The following HTR3C variants were observed in gnomAD, a reference collection of about 807,000 sequenced individuals.
HTR3C encodes the protein 5-hydroxytryptamine receptor 3C.
HTR3C carries 32 observed loss-of-function variants against 40.5 expected under a neutral mutation model. The ratio of observed to expected loss-of-function variants is 0.79; its 90% CI spans 0.60 to 1.06. HTR3C has a LOEUF of 1.06. Ranked by LOEUF, HTR3C falls within the 50% of genes least tolerant of loss-of-function variation. The pLI, the probability that HTR3C is intolerant of heterozygous loss-of-function variation, is 0.00. For missense variants in HTR3C, 523 were observed against 556.8 expected (o/e 0.94, Z 0.61); for synonymous variants, 209 against 217.1 (o/e 0.96, Z 0.33).
chr3:184,053,254 T>C, intron 1 of HTR3C, 107 bp downstream of exon 1: 2 of 792,692 alleles, frequency 2.5e-6, no homozygotes, highest in Admixed American at 2.0e-5. Flanking sequence ...AAATATTTCT[T>C]CCATAATGTC....
At chr3:184,055,387 T>G in intron 3 of HTR3C, 31 bp downstream of exon 3, 2 of 1,511,864 alleles carry the variant, frequency 1.3e-6, no homozygotes, top group Non-Finnish European at 1.8e-6. Context: ...TCCTCCCCAC[T>G]TCATTTATAA....
chr3:184,054,601 T>G, intron 1 of HTR3C, 120 bp from the exon 2 acceptor site: 1 of 820,466 alleles, frequency 1.2e-6, no homozygotes, highest in Non-Finnish European at 1.8e-6. Context: ...TGGGGAGTCT[T>G]GGCATGGGAA....
Position 184,053,047 on chromosome 3 carries a change from TG to T in HTR3C, c.-32del. On this transcript the variant is annotated 5_prime_UTR_variant, in exon 1 of 9. Transcript: ENST00000318351. ...TTAAGCTCCAGGGTTTGGGAGCTCCTGGTGAATCCCCAGAGAAGAGTCCAGA... is the reference window on the plus strand; with the variant it reads ...TTAAGCTCCAGGGTTTGGGAGCTCCTGTGAATCCCCAGAGAAGAGTCCAGA... 2 of 1,574,522 alleles carry T rather than the reference TG, an allele frequency of 1.3e-6. No individual in the cohort carries two copies. The highest frequency in any genetic ancestry group is 1.7e-6 in the Non-Finnish European group (2 of 1,144,144).
At chr3:184,057,112 T>G (rs1354079335) in intron 5 of HTR3C, 68 bp downstream of exon 5, 1 of 1,261,592 alleles carries the variant, frequency 7.9e-7, no homozygotes, top group African/African-American at 1.5e-5. Context: ...TAGGTATCAT[T>G]AGAAAAGGTT....
intron 1 of HTR3C, 69 bp downstream of exon 1, chr3:184,053,216 C>A (rs2108969757): frequency 9.4e-7 from 1 of 1,063,502 alleles, no homozygotes; most frequent in Non-Finnish European, 1.5e-6. Context: ...ACCTCTAGCA[C>A]TTGGAGGGCA....
rs371964471 is a variant in HTR3C at position 184,055,310 on chromosome 3, A to G, written c.235-2A>G. The G allele has an allele frequency of 1.2e-6, 2 of 1,607,522 alleles. No homozygotes were observed. The highest frequency in any genetic ancestry group is 1.7e-6 in the Non-Finnish European group (2 of 1,173,926). Reference sequence around the variant, plus strand: ...AATCCTGAGTGGAAATTTCCTTGTCAGGATGCACAGCTCCAGCTGCTGACA... The same window carrying G: ...AATCCTGAGTGGAAATTTCCTTGTCGGGATGCACAGCTCCAGCTGCTGACA... On this transcript the variant is annotated splice_acceptor_variant, in intron 2 of 8. Transcript: ENST00000318351. LOFTEE classifies it high-confidence loss of function.
chr3:184,056,099 G>A (rs1723318800), intron 3 of HTR3C, 78 bp from the exon 4 acceptor site: 2 of 887,338 alleles, frequency 2.3e-6, no homozygotes, highest in South Asian at 1.4e-5. Context: ...AAGGTTTAAA[G>A]AAGAATGGAA....
chr3:184,060,360 TC>T lies in HTR3C; in HGVS notation c.*14del. ...GTCCTCTGGAACACCTAGGCAGACA[TC>T]CCCCCTCTCTGGCAAACAACAGCTT... On this transcript the variant is annotated 3_prime_UTR_variant, in exon 9 of 9. Coordinates refer to ENST00000318351, the MANE Select transcript of HTR3C (RefSeq NM_130770.3). 1.2e-6 allele frequency: 2 copies of T among 1,613,908 alleles called. No individual in the cohort carries two copies. The highest frequency in any genetic ancestry group is 1.7e-6 in the Non-Finnish European group (2 of 1,179,908).
In HTR3C at chr3:184,054,834, A is replaced by G. The variant is rs1723290093; in HGVS notation, c.181A>G (p.Ser61Gly). The change falls in exon 2 of 9, where the codon AGC (serine) becomes GGC (glycine). Residue 61 changes from serine to glycine, a missense_variant. Coordinates refer to ENST00000318351, the MANE Select transcript of HTR3C (RefSeq NM_130770.3). ...GGCCTTCCGTCCATTCACCAACTAC[A>G]GCATCCCTACCCGTGTCAACATCTC... The part of the protein sequence containing the change: ...RKAFRPFTNY[S>G]IPTRVNISFT... 2 of 1,613,760 alleles carry G rather than the reference A, an allele frequency of 1.2e-6. No individual in the cohort carries two copies. Among genetic ancestry groups the G allele is most frequent in the Admixed American group, 1.7e-5 (1 of 59,962 alleles).
chr3:184,057,605 G>A (rs565690362), intron 5 of HTR3C, among the ~76,000 whole-genome samples: 1 of 151,694 alleles, frequency 6.6e-6, no homozygotes, highest in Non-Finnish European at 1.5e-5. Flanking sequence ...CTGGTGGTGG[G>A]CGCCTGTAGT....
In HTR3C at chr3:184,054,745, A is replaced by G. The variant is rs373746183; in HGVS notation, c.92A>G (p.Asn31Ser). 1 of 1,603,674 alleles carries G rather than the reference A, an allele frequency of 6.2e-7. No homozygotes were observed. The highest frequency in any genetic ancestry group is 1.3e-5 in the African/African-American group (1 of 74,318). ...GGAAGAGGCGACGCTTTTACCATCA[A>G]TTGCTCAGGCTTTGACCAGCATGGG... ...LQGRGDAFTI[N>S]CSGFDQHGVD... The change falls in exon 2 of 9, where the codon AAT (asparagine) becomes AGT (serine). Residue 31 changes from asparagine (N) to serine (S), a missense_variant. Coordinates refer to ENST00000318351, the MANE Select transcript of HTR3C (RefSeq NM_130770.3).
intron 3 of HTR3C, 74 bp downstream of exon 3, chr3:184,055,430 G>C: frequency 8.8e-7 from 1 of 1,134,938 alleles, no homozygotes; most frequent in Non-Finnish European, 1.3e-6. Context: ...GTGACTTAAA[G>C]GGGCCAGAAG....
intron 5 of HTR3C, among the ~76,000 whole-genome samples, chr3:184,057,288 A>AC: frequency 6.6e-6 from 1 of 152,080 alleles, no homozygotes; most frequent in South Asian, 2.1e-4. Flanking sequence ...ACATAGTGAG[A>AC]CCCCCATCTC....
intron 4 of HTR3C, among the ~76,000 whole-genome samples, 189 bp downstream of exon 4, chr3:184,056,475 G>T (rs1183218300): frequency 1.3e-5 from 2 of 152,188 alleles, no homozygotes; most frequent in African/African-American, 4.8e-5. Flanking sequence ...GGCCAGGCGC[G>T]GTGGCTCACG....
Position 184,059,862 on chromosome 3 carries a change from G to A in HTR3C, c.960G>A (p.Val320=), listed in dbSNP as rs148492552. 6.7e-5 allele frequency: 108 copies of A among 1,613,908 alleles called. No homozygotes were observed. The highest frequency in any genetic ancestry group is 1.7e-4 in the Middle Eastern group (1 of 6,014). ...TCGCCCTGTGCCTGTCCCTGATGGT[G>A]GTCAGCCTGCTGGAGACCGTCTTCA... ...VYFALCLSLM[V]VSLLETVFIT... Residue 320 remains valine (V), a synonymous_variant, in exon 8 of 9, where the codon GTG becomes GTA. Coordinates refer to ENST00000318351, the MANE Select transcript of HTR3C (RefSeq NM_130770.3).
rs764871394 is a variant in HTR3C at position 184,059,491 on chromosome 3, G to A, written c.776G>A (p.Ser259Asn). ...LYIINLLVPS[S>N]FLVAIDALSF... ...ATCATAAACCTGCTGGTGCCCAGTA[G>A]CTTTCTGGTTGCCATTGATGCCCTC... The change falls in exon 7 of 9, where the codon AGC becomes AAC. Residue 259 changes from serine (S) to asparagine (N), a missense_variant. Physicochemically the swap from Ser to Asn is conservative, Grantham distance 46 (BLOSUM62 1). Transcript: ENST00000318351. The A allele has an allele frequency of 6.8e-6, 11 of 1,614,210 alleles. No homozygotes were observed. Among genetic ancestry groups the A allele is most frequent in the East Asian group, 6.7e-5 (3 of 44,884 alleles).
chr3:184,059,991 T>C lies in HTR3C; in HGVS notation c.1089T>C (p.Thr363=). The part of the protein sequence containing the change: ...HCTSPGRCCP[T]APQKGNKGLG... ...CCAGCCCAGGGAGATGCTGTCCCAC[T>C]GCGCCCCAGAAGGGAAATAAGGGCC... The change falls in exon 8 of 9, where the codon ACT becomes ACC. Residue 363 remains threonine, a synonymous_variant. Coordinates refer to ENST00000318351, the MANE Select transcript of HTR3C (RefSeq NM_130770.3). 6.2e-7 allele frequency: 1 copy of C among 1,613,796 alleles called. No individual in the cohort carries two copies. Among genetic ancestry groups the C allele is most frequent in the Non-Finnish European group, 8.5e-7 (1 of 1,179,978 alleles).
chr3:184,056,325 T>A (rs1190680973), intron 4 of HTR3C, 39 bp downstream of exon 4: 1 of 1,405,968 alleles, frequency 7.1e-7, no homozygotes, highest in South Asian at 1.2e-5. Context: ...TGAAACCTCA[T>A]CTGCCGAGAA....
intron 6 of HTR3C, among the ~76,000 whole-genome samples, 153 bp from the exon 7 acceptor site, chr3:184,059,283 C>T (rs1444800411): frequency 6.6e-6 from 1 of 152,160 alleles, no homozygotes; most frequent in Non-Finnish European, 1.5e-5. Context: ...ATCAGAGGCC[C>T]CTATGTAGGC....
Sources: gnomAD v4.1 joint callset for allele counts (sites outside exome capture counted in the v4.1 genomes callset) on GRCh38, gnomAD v4.1.1 for gene constraint, MANE v1.5 for transcripts, NCBI Gene and HGNC (gene_info 2026-07-23, HGNC 2026-07-21) for gene names.